ARHGAP26: variants seen among roughly 807,000 people sequenced by gnomAD.
ARHGAP26 encodes the protein Rho GTPase activating protein 26, also known as rho GTPase-activating protein 26.
Under a neutral mutation model 104.8 loss-of-function variants are expected in ARHGAP26, and 38 were observed. The observed-to-expected ratio is 0.36, with a 90% CI of 0.28 to 0.48. The LOEUF is 0.48. ARHGAP26 is among the 20% of genes least tolerant of loss of function. ARHGAP26 has a pLI of 0.99. For missense variants in ARHGAP26, 704 were observed against 947.9 expected, an observed-to-expected ratio of 0.74 and a Z score of 3.38; for synonymous variants, 341 against 340.0, an observed-to-expected ratio of 1.00 and a Z score of -0.03.
rs1351675586 is a variant in ARHGAP26 at position 142,932,063 on chromosome 5, A to G, written c.1045A>G (p.Met349Val). Residue 349 changes from methionine to valine, a missense_variant, in exon 11 of 23, where the codon ATG (methionine) becomes GTG (valine). Coordinates refer to ENST00000645722, the MANE Select transcript of ARHGAP26 (RefSeq NM_001135608.3). ...TCTCTGCAGGCCAGGGGTTATCACC[A>G]TGCAAGCTTTGTCGGAAGAGGACCG... is the stretch of plus-strand genomic sequence containing the variant. The part of the protein sequence containing the change: ...EAVDRPGVIT[M>V]QALSEEDRRL... The G allele has an allele frequency of 1.2e-6, 2 of 1,614,086 alleles. No homozygotes were observed. Among genetic ancestry groups the G allele is most frequent in the Non-Finnish European group, 1.7e-6 (2 of 1,179,928 alleles).
chr5:142,793,406 G>A (rs1335661661), intron 1 of ARHGAP26, among the ~76,000 whole-genome samples: 23 of 151,720 alleles, frequency 1.5e-4, no homozygotes, highest in Non-Finnish European at 3.2e-4. Context: ...TGATCACTTG[G>A]TGTTAAATTA....
chr5:143,026,209 A>G (rs1781038387), intron 12 of ARHGAP26, among the ~76,000 whole-genome samples: 1 of 152,184 alleles, frequency 6.6e-6, no homozygotes, highest in African/African-American at 2.4e-5. Context: ...GCTGGTGAAA[A>G]CATGGATTGT....
chr5:142,942,465 C>A (rs1340232063), intron 11 of ARHGAP26, among the ~76,000 whole-genome samples: 1 of 152,116 alleles, frequency 6.6e-6, no homozygotes, highest in Non-Finnish European at 1.5e-5. Flanking sequence ...GGGCTGTGTG[C>A]CTATACAGTA....
At chr5:143,018,032 CAGTCTGATAGGTGTAAAATGAT>C (rs978333226) in intron 12 of ARHGAP26, among the ~76,000 whole-genome samples, 5 of 152,196 alleles carry the variant, frequency 3.3e-5, no homozygotes, top group African/African-American at 1.2e-4. Context: ...AATTTTTTGC[CAGTCTGATAGGTGTAAAATGAT>C]AGTTCATTGT....
At chr5:142,857,917 A>G (rs749930856) in intron 1 of ARHGAP26, among the ~76,000 whole-genome samples, 2 of 152,170 alleles carry the variant, frequency 1.3e-5, no homozygotes, top group Non-Finnish European at 2.9e-5. Context: ...AAAAAGGCAT[A>G]CTTTCAGATG....
chr5:142,967,054 A>G (rs897221532), intron 11 of ARHGAP26, among the ~76,000 whole-genome samples: 2 of 152,214 alleles, frequency 1.3e-5, no homozygotes, highest in East Asian at 1.9e-4. Context: ...GCACACTCAC[A>G]CATACGTACA....
rs536919888 is a variant in ARHGAP26, at chr5:143,029,392, G to GTT, written c.1145-7775_1145-7774dup. The stretch of plus-strand genomic sequence containing the variant: ...CATGTTAGAAATCCTTTACTTCTCA[G>GTT]TTTTTTTTTTTTTTTTTTTTTTTTT... On this transcript the variant is annotated intron_variant, in intron 12 of 22. Transcript: ENST00000645722. Among the ~76,000 whole-genome samples, 658 of 80,830 alleles carry GTT rather than the reference G, an allele frequency of 8.1e-3. 107 individuals carry two copies. Among genetic ancestry groups the GTT allele is most frequent in the Non-Finnish European group, 0.012 (479 of 40,670 alleles). 53.0% of individuals were successfully genotyped at this position (80,830 alleles called of 152,430 possible).
rs563282224 is a variant in ARHGAP26 at position 143,052,660 on chromosome 5, C to T, written c.1286-1779C>T. 5.3e-5 allele frequency among the ~76,000 whole-genome samples: 8 copies of T among 152,172 alleles called. No homozygotes were observed. In the South Asian group the frequency reaches 1.2e-3, roughly 24 times the overall value. On this transcript the variant is annotated intron_variant, in intron 14 of 22. Coordinates refer to ENST00000645722, the MANE Select transcript of ARHGAP26 (RefSeq NM_001135608.3). ...ACCCAGTATGTGTCAGGGGAACACA[C>T]GGAGAGCAGTAGATACCAGCTGGAT...
At chr5:143,099,823 A>G (rs1388430705) in intron 17 of ARHGAP26, among the ~76,000 whole-genome samples, 1 of 152,240 alleles carries the variant, frequency 6.6e-6, no homozygotes, top group Non-Finnish European at 1.5e-5. Context: ...TTCCATTGAG[A>G]CCATAAAATA....
At position 142,994,240 on chromosome 5, in the gene ARHGAP26, G is replaced by C. The variant is rs552702047; in HGVS notation, c.1108-19840G>C. 5.3e-5 allele frequency among the ~76,000 whole-genome samples: 8 copies of C among 152,254 alleles called. No homozygotes were observed. In the East Asian group the frequency reaches 1.5e-3, roughly 29 times the overall value. The stretch of plus-strand genomic sequence containing the variant: ...AGGTAGGGCATTGAAGGATGTTCAC[G>C]GGCAGAGATGCATAGAAGGGCTTCC... On this transcript the variant is annotated intron_variant, in intron 11 of 22. Coordinates refer to ENST00000645722, the MANE Select transcript of ARHGAP26 (RefSeq NM_001135608.3).
At chr5:142,840,064 A>C (rs1424328128) in intron 1 of ARHGAP26, among the ~76,000 whole-genome samples, 1 of 152,212 alleles carries the variant, frequency 6.6e-6, no homozygotes, top group Non-Finnish European at 1.5e-5. Context: ...CTCATTAGTC[A>C]TTAAGAAGAA....
chr5:143,220,332 G>C lies in ARHGAP26; in HGVS notation c.2192-2026G>C, dbSNP rs145250954. Among the ~76,000 whole-genome samples, 395 of 152,292 alleles carry C rather than the reference G, an allele frequency of 2.6e-3. 6 individuals carry two copies. The highest frequency in any genetic ancestry group is 9.0e-3 in the African/African-American group (375 of 41,546). On this transcript the variant is annotated intron_variant, in intron 22 of 22. Coordinates refer to ENST00000645722, the MANE Select transcript of ARHGAP26 (RefSeq NM_001135608.3). ...GGTTTTACTAGGTCGCTACTAGGAG[G>C]GGGTCTTGCTGAGCAGTCCCGATCC...
At chr5:143,149,610 T>C (rs1199344544) in intron 20 of ARHGAP26, among the ~76,000 whole-genome samples, 10 of 152,182 alleles carry the variant, frequency 6.6e-5, no homozygotes, top group Non-Finnish European at 1.5e-4. Context: ...AATTTGATTC[T>C]GAGAAATCTG....
chr5:142,885,203 C>T (rs1757536966), intron 4 of ARHGAP26, 95 bp from the exon 5 acceptor site: 2 of 1,011,982 alleles, frequency 2.0e-6, no homozygotes, highest in African/African-American at 3.2e-5. Context: ...GAGTCGTCAT[C>T]TGTGTTCTGA....
Position 142,885,415 on chromosome 5 carries a change from A to T in ARHGAP26, c.486+16A>T. On this transcript the variant is annotated intron_variant, in intron 5 of 22. Transcript: ENST00000645722. The stretch of plus-strand genomic sequence containing the variant: ...GCTTCAGGAGGTAAGAGACTTTATT[A>T]GTATCCTGAATAAAGTGTTCAATTT... 4 of 1,588,242 alleles carry T rather than the reference A, an allele frequency of 2.5e-6. No individual in the cohort carries two copies. Among genetic ancestry groups the T allele is most frequent in the Non-Finnish European group, 3.5e-6 (4 of 1,158,318 alleles).
At chr5:143,156,903 C>T (rs538057843) in intron 20 of ARHGAP26, among the ~76,000 whole-genome samples, 6 of 152,340 alleles carry the variant, frequency 3.9e-5, no homozygotes, top group South Asian at 2.1e-4. Flanking sequence ...TTCGCAAATG[C>T]GTGCCTGTTG....
chr5:143,153,080 G>A (rs1800034540), intron 20 of ARHGAP26, among the ~76,000 whole-genome samples: 1 of 152,144 alleles, frequency 6.6e-6, no homozygotes, highest in South Asian at 2.1e-4. Context: ...TGAATAGAAA[G>A]GTATGGAAGA....
At chr5:143,199,868 T>G (rs1214901004) in intron 20 of ARHGAP26, among the ~76,000 whole-genome samples, 1 of 152,246 alleles carries the variant, frequency 6.6e-6, no homozygotes, top group Non-Finnish European at 1.5e-5. Flanking sequence ...ATCCTTGTTT[T>G]GAAAGTCCTA....
intron 20 of ARHGAP26, among the ~76,000 whole-genome samples, chr5:143,188,138 A>G (rs1015269298): frequency 3.3e-5 from 5 of 152,258 alleles, no homozygotes; most frequent in African/African-American, 1.2e-4. Context: ...AAAAAGAATA[A>G]TAAAATCCAT....
Sources: gnomAD v4.1 joint callset for allele counts (sites outside exome capture counted in the v4.1 genomes callset) on GRCh38, gnomAD v4.1.1 for gene constraint, MANE v1.5 for transcripts, NCBI Gene and HGNC (gene_info 2026-07-23, HGNC 2026-07-21) for gene names.